Variants in SEMA3A observed in about 807,000 individuals in gnomAD.
SEMA3A encodes semaphorin 3A.
SEMA3A carries 29 observed loss-of-function variants against 97.9 expected under a neutral mutation model. The ratio of observed to expected loss-of-function variants is 0.30; its 90% confidence interval spans 0.22 to 0.40. The LOEUF is 0.40. Among genes scored for constraint, SEMA3A ranks in the 10% least tolerant of loss-of-function variants. The probability of loss-of-function intolerance (pLI) is 1.00; values close to 1 mark genes in which losing one functional copy is unlikely to be tolerated. For synonymous variants in SEMA3A, 321 were observed against 323.7 expected, an observed-to-expected ratio of 0.99 and a Z score of 0.09; for missense variants, 763 against 951.3, an observed-to-expected ratio of 0.80 and a Z score of 2.60.
chr7:84,362,572 C>T lies in SEMA3A; in HGVS notation c.-169+9252G>A, dbSNP rs143860722. On this transcript the variant is annotated intron_variant, in intron 2 of 3. Coordinates refer to the SEMA3A transcript ENST00000424555. ...CATTATTGTACTTTGTAATCTTATCCTTCAATTATGGCTTCTTGTAAAACT... is the reference window on the plus strand; with the variant it reads ...CATTATTGTACTTTGTAATCTTATCTTTCAATTATGGCTTCTTGTAAAACT... Among the ~76,000 whole-genome samples, 10 of 152,034 alleles carry T rather than the reference C, an allele frequency of 6.6e-5. 1 individual carries two copies. The Admixed American group carries it at 6.6e-4, about 10-fold the overall frequency.
chr7:83,989,956 T>G (rs2116344206), intron 12 of SEMA3A, among the ~76,000 whole-genome samples: 1 of 152,012 alleles, frequency 6.6e-6, no homozygotes, highest in East Asian at 2.0e-4. Flanking sequence ...TATTCCTATT[T>G]CTCCACATCC....
At chr7:84,483,071 A>G (rs1251694432) in intron 1 of SEMA3A, among the ~76,000 whole-genome samples, 1 of 152,144 alleles carries the variant, frequency 6.6e-6, no homozygotes. Context: ...TGAGAGCTCT[A>G]TGTGCAATAA....
intron 1 of SEMA3A, among the ~76,000 whole-genome samples, chr7:84,472,482 C>A (rs1037906302): frequency 6.6e-6 from 1 of 152,140 alleles, no homozygotes; most frequent in African/African-American, 2.4e-5. Flanking sequence ...GTATTTGTAT[C>A]ATGAAGCTCC....
intron 6 of SEMA3A, among the ~76,000 whole-genome samples, chr7:84,037,125 A>G (rs1042422513): frequency 6.6e-6 from 1 of 151,272 alleles, no homozygotes. Context: ...CATTCTTTGC[A>G]GATTCCTTCC....
At chr7:84,278,831 A>T (rs760441889) in intron 3 of SEMA3A, among the ~76,000 whole-genome samples, 8 of 152,112 alleles carry the variant, frequency 5.3e-5, no homozygotes, top group Non-Finnish European at 1.2e-4. Context: ...CACACCAAAC[A>T]TCACCATCAT....
intron 2 of SEMA3A, among the ~76,000 whole-genome samples, chr7:84,361,661 T>C (rs1349519952): frequency 6.6e-6 from 1 of 151,962 alleles, no homozygotes; most frequent in Non-Finnish European, 1.5e-5. Context: ...TTACAATGAA[T>C]CTTATGACAT....
intron 2 of SEMA3A, among the ~76,000 whole-genome samples, chr7:84,343,593 G>T (rs1450896037): frequency 6.6e-6 from 1 of 152,204 alleles, no homozygotes; most frequent in Non-Finnish European, 1.5e-5. Flanking sequence ...TGTGTCTGGT[G>T]AGGATAAACT....
At chr7:84,456,766 C>T (rs1805697120) in intron 1 of SEMA3A, among the ~76,000 whole-genome samples, 1 of 151,726 alleles carries the variant, frequency 6.6e-6, no homozygotes, top group Non-Finnish European at 1.5e-5. Flanking sequence ...AATGCTACTT[C>T]AGTGCTTTGT....
At chr7:83,987,559 C>T (rs1789689315) in intron 12 of SEMA3A, among the ~76,000 whole-genome samples, 1 of 152,098 alleles carries the variant, frequency 6.6e-6, no homozygotes, top group South Asian at 2.1e-4. Flanking sequence ...ATTGCCTCTC[C>T]CCCTCAATTT....
At chr7:84,147,725 G>C (rs1002312268) in intron 1 of SEMA3A, among the ~76,000 whole-genome samples, 1 of 152,166 alleles carries the variant, frequency 6.6e-6, no homozygotes, top group African/African-American at 2.4e-5. Flanking sequence ...GTGCAATAGT[G>C]CATATGGGTT....
chr7:84,276,148 G>T (rs530861903), intron 3 of SEMA3A, among the ~76,000 whole-genome samples: 1 of 151,698 alleles, frequency 6.6e-6, no homozygotes, highest in African/African-American at 2.4e-5. Flanking sequence ...TAATTCTTTC[G>T]TTTATTCAAT....
chr7:84,359,249 C>T (rs1273932172), intron 2 of SEMA3A, among the ~76,000 whole-genome samples: 2 of 152,040 alleles, frequency 1.3e-5, no homozygotes, highest in Non-Finnish European at 2.9e-5. Context: ...AGTTTTTGTC[C>T]ATTCAGTATG....
intron 2 of SEMA3A, among the ~76,000 whole-genome samples, chr7:84,330,507 C>T (rs867772297): frequency 2.0e-5 from 3 of 151,898 alleles, no homozygotes; most frequent in South Asian, 2.1e-4. Context: ...AGTAAACATT[C>T]GGAAGATATC....
At chr7:83,995,225 C>G (rs2116365915) in intron 12 of SEMA3A, among the ~76,000 whole-genome samples, 1 of 152,256 alleles carries the variant, frequency 6.6e-6, no homozygotes, top group Non-Finnish European at 1.5e-5. Context: ...CTGGCACTCC[C>G]TAGTGAGATG....
intron 1 of SEMA3A, among the ~76,000 whole-genome samples, chr7:84,157,168 C>G (rs1004000432): frequency 7.2e-5 from 11 of 152,110 alleles, no homozygotes; most frequent in Admixed American, 5.2e-4. Context: ...TATTAACATG[C>G]CTTTGTGTAT....
chr7:84,437,826 A>T (rs942721524), intron 1 of SEMA3A, among the ~76,000 whole-genome samples: 4 of 152,040 alleles, frequency 2.6e-5, no homozygotes, highest in African/African-American at 7.2e-5. Context: ...AGTAGTATAT[A>T]GATGCTGTTT....
At chr7:84,328,526 G>C (rs954487257) in intron 2 of SEMA3A, among the ~76,000 whole-genome samples, 3 of 151,966 alleles carry the variant, frequency 2.0e-5, no homozygotes, top group Non-Finnish European at 4.4e-5. Context: ...ACGCAATGTT[G>C]CTTGTAATGC....
chr7:84,049,719 A>T (rs900030310), intron 5 of SEMA3A, among the ~76,000 whole-genome samples: 6 of 151,520 alleles, frequency 4.0e-5, no homozygotes, highest in Admixed American at 3.3e-4. Flanking sequence ...TCATTTTTTA[A>T]AATTATTATT....
chr7:84,275,773 C>T (rs1800277935), intron 3 of SEMA3A, among the ~76,000 whole-genome samples: 1 of 151,782 alleles, frequency 6.6e-6, no homozygotes, highest in African/African-American at 2.4e-5. Flanking sequence ...ATGTAAAATG[C>T]ATACCAAATT....
Sources: allele counts gnomAD v4.1 joint callset (sites outside exome capture counted in the v4.1 genomes callset), GRCh38; gene constraint gnomAD v4.1.1; transcripts MANE v1.5; gene names NCBI Gene and HGNC (gene_info 2026-07-23, HGNC 2026-07-21).